Variants in PDE4D observed in about 807,000 individuals in gnomAD.
PDE4D encodes the protein 3',5'-cyclic-AMP phosphodiesterase 4D.
Under a neutral mutation model 87.4 loss-of-function variants are expected in PDE4D, and 24 were observed. The ratio of observed to expected loss-of-function variants is 0.27; its 90% CI spans 0.20 to 0.39. PDE4D has a LOEUF of 0.39. PDE4D is among the 10% of genes least tolerant of loss of function. PDE4D has a pLI of 1.00. For missense variants in PDE4D, 714 were observed against 1,041.0 expected (o/e 0.69, Z 4.32); for synonymous variants, 384 against 383.2 (o/e 1.00, Z -0.02).
At position 60,393,069 on chromosome 5, in the gene PDE4D, T is replaced by G. The variant is rs575854630; in HGVS notation, c.-90+94873A>C. On this transcript the variant is annotated intron_variant, in intron 1 of 16. Coordinates refer to the PDE4D transcript ENST00000502484. The stretch of plus-strand genomic sequence containing the variant: ...AAAGCTTTGATTGTGAAACTTCAAG[T>G]CTCTGATGGACTTTTTTTGAAGGAA... 3.0e-4 allele frequency among the ~76,000 whole-genome samples: 45 copies of G among 152,280 alleles called. 1 individual carries two copies. Among genetic ancestry groups the G allele is most frequent in the Admixed American group, 9.8e-4 (15 of 15,288 alleles).
At chr5:59,530,120 G>A (rs934716550) in intron 1 of PDE4D, among the ~76,000 whole-genome samples, 7 of 152,168 alleles carry the variant, frequency 4.6e-5, no homozygotes, top group South Asian at 2.1e-4. Flanking sequence ...AAGGTAAGGC[G>A]TATTTCCCAT....
chr5:60,316,845 A>T (rs1203422803), intron 1 of PDE4D, among the ~76,000 whole-genome samples: 1 of 152,170 alleles, frequency 6.6e-6, no homozygotes, highest in African/African-American at 2.4e-5. Context: ...AGCAGACTTG[A>T]TCATGGTGGA....
chr5:59,683,407 T>G (rs2150371455), intron 1 of PDE4D, among the ~76,000 whole-genome samples: 1 of 152,326 alleles, frequency 6.6e-6, no homozygotes, highest in East Asian at 1.9e-4. Context: ...CAATATAATA[T>G]ATTAACTTTA....
chr5:59,937,693 A>G (rs1756752023), intron 3 of PDE4D, among the ~76,000 whole-genome samples: 1 of 152,202 alleles, frequency 6.6e-6, no homozygotes, highest in African/African-American at 2.4e-5. Context: ...TTACCTCCTA[A>G]AGGCCCTCTC....
intron 1 of PDE4D, among the ~76,000 whole-genome samples, chr5:59,847,862 C>A (rs889458216): frequency 5.9e-5 from 9 of 152,208 alleles, no homozygotes; most frequent in African/African-American, 2.2e-4. Flanking sequence ...AGATCAAATA[C>A]TATTTTGAGC....
At chr5:59,066,987 GATTTATTTATTTATTT>G (rs75735314) in intron 5 of PDE4D, among the ~76,000 whole-genome samples, 121 of 141,292 alleles carry the variant, frequency 8.6e-4, no homozygotes, top group East Asian at 5.0e-3. Flanking sequence ...CCCAGCTCGT[GATTTATTTATTTATTT>G]ATTTATTTAT....
rs1790275376 is a variant in PDE4D at position 59,400,004 on chromosome 5, A to G, written c.456-184036T>C. Among the ~76,000 whole-genome samples the G allele has an allele frequency of 1.7e-5, 2 of 117,470 alleles. 1 individual carries two copies. Among genetic ancestry groups the G allele is most frequent in the African/African-American group, 7.0e-5 (2 of 28,478 alleles). The allele number at this position is 117,470 out of a possible 152,430, so 77.1% of individuals were successfully genotyped here. The stretch of plus-strand genomic sequence containing the variant: ...AAAATGCTCACCATCACTGGCCATC[A>G]GAGAAACGCAAATCAAAACCACAAT... On this transcript the variant is annotated intron_variant, in intron 1 of 14. Transcript: ENST00000340635.
At chr5:59,471,604 T>C (rs902594510) in intron 1 of PDE4D, among the ~76,000 whole-genome samples, 1 of 152,180 alleles carries the variant, frequency 6.6e-6, no homozygotes, top group Non-Finnish European at 1.5e-5. Flanking sequence ...TTCCTAAGAC[T>C]CACATCCCTC....
intron 2 of PDE4D, among the ~76,000 whole-genome samples, chr5:60,157,686 A>G (rs1275808375): frequency 6.6e-6 from 1 of 152,164 alleles, no homozygotes; most frequent in Non-Finnish European, 1.5e-5. Flanking sequence ...AACGAAAACT[A>G]ACTTCTTAAA....
intron 1 of PDE4D, among the ~76,000 whole-genome samples, chr5:59,409,970 G>T (rs1466652706): frequency 6.6e-6 from 1 of 151,508 alleles, no homozygotes; most frequent in Non-Finnish European, 1.5e-5. Flanking sequence ...TGAATTTATG[G>T]GTCACATGAA....
chr5:59,948,870 T>A (rs1303538321), intron 3 of PDE4D, among the ~76,000 whole-genome samples: 1 of 152,224 alleles, frequency 6.6e-6, no homozygotes, highest in Non-Finnish European at 1.5e-5. Context: ...CTTAAGCAAG[T>A]TACAATCTCC....
intron 2 of PDE4D, among the ~76,000 whole-genome samples, chr5:60,114,123 G>A (rs986428569): frequency 6.6e-6 from 1 of 151,988 alleles, no homozygotes; most frequent in African/African-American, 2.4e-5. Flanking sequence ...CACCCGATTC[G>A]GTGAATCTCA....
chr5:60,381,262 A>G (rs571540866), intron 1 of PDE4D, among the ~76,000 whole-genome samples: 5 of 152,256 alleles, frequency 3.3e-5, no homozygotes, highest in Non-Finnish European at 5.9e-5. Context: ...AAAAACATCA[A>G]AGCTCAAGTG....
intron 3 of PDE4D, among the ~76,000 whole-genome samples, chr5:59,985,431 G>C (rs1762360000): frequency 6.6e-6 from 1 of 151,954 alleles, no homozygotes; most frequent in East Asian, 1.9e-4. Flanking sequence ...GTGAGCCACT[G>C]CACCTGGCCC....
rs184938159 is a variant in PDE4D at position 59,288,909 on chromosome 5, T to C, written c.456-72941A>G. On this transcript the variant is annotated intron_variant, in intron 1 of 14. Coordinates refer to ENST00000340635, the MANE Select transcript of PDE4D (RefSeq NM_001104631.2). Reference sequence around the variant, plus strand: ...AACAAACAAAAGCTGAGGGATGTCATCAACACCAGACCTATCCTGTAAGAA... The same window carrying C: ...AACAAACAAAAGCTGAGGGATGTCACCAACACCAGACCTATCCTGTAAGAA... Among the ~76,000 whole-genome samples, 4 of 152,190 alleles carry C rather than the reference T, an allele frequency of 2.6e-5. No individual in the cohort carries two copies. In the East Asian group the frequency reaches 7.7e-4, roughly 29 times the overall value.
intron 11 of PDE4D, among the ~76,000 whole-genome samples, chr5:58,986,415 T>C (rs944038558): frequency 5.3e-5 from 8 of 151,758 alleles, no homozygotes; most frequent in African/African-American, 1.9e-4. Context: ...GGGTCCCCGA[T>C]CCATCCATCG....
rs1215906910 is a variant in PDE4D at position 60,301,217 on chromosome 5, G to A, written c.-89-115530C>T. 3.3e-5 allele frequency among the ~76,000 whole-genome samples: 5 copies of A among 152,172 alleles called. No individual in the cohort carries two copies. The South Asian group carries it at 8.3e-4, about 25-fold the overall frequency. On this transcript the variant is annotated intron_variant, in intron 1 of 16. Coordinates refer to the PDE4D transcript ENST00000502484. ...TTTGGGCTCTTTTTTGGTTCCATACGAATTTTAAAATAGTTTCTTCTAATT... is the reference window on the plus strand; with the variant it reads ...TTTGGGCTCTTTTTTGGTTCCATACAAATTTTAAAATAGTTTCTTCTAATT...
chr5:59,645,719 T>C (rs111241665), intron 1 of PDE4D, among the ~76,000 whole-genome samples: 185 of 152,238 alleles, frequency 1.2e-3, no homozygotes, highest in African/African-American at 4.2e-3. Flanking sequence ...GACACAATGT[T>C]CAAAACATAT....
intron 1 of PDE4D, among the ~76,000 whole-genome samples, chr5:60,377,359 G>A (rs73108626): frequency 0.019 from 2,952 of 152,204 alleles, 83 homozygotes; most frequent in African/African-American, 0.067. Context: ...GCCCATTTGG[G>A]GTAACAATCC....
Sources: gnomAD v4.1 joint callset for allele counts (sites outside exome capture counted in the v4.1 genomes callset) on GRCh38, gnomAD v4.1.1 for gene constraint, MANE v1.5 for transcripts, NCBI Gene and HGNC (gene_info 2026-07-23, HGNC 2026-07-21) for gene names.